Variants in PCDH7 observed in about 807,000 individuals in gnomAD.
The protein encoded by PCDH7 is protocadherin-7.
Under a neutral mutation model 58.9 loss-of-function variants are expected in PCDH7, and 17 were observed. The ratio of observed to expected loss-of-function variants is 0.29; its 90% CI spans 0.20 to 0.43. The LOEUF is 0.43. PCDH7 is among the 20% of genes least tolerant of loss of function. The pLI is 1.00. For synonymous variants in PCDH7, 664 were observed against 616.4 expected, an observed-to-expected ratio of 1.08 and a Z score of -1.14; for missense variants, 1,274 against 1,441.0, an observed-to-expected ratio of 0.88 and a Z score of 1.88.
At chr4:31,055,759 T>C (rs1757113033) in intron 3 of PCDH7, among the ~76,000 whole-genome samples, 1 of 151,912 alleles carries the variant, frequency 6.6e-6, no homozygotes, top group Non-Finnish European at 1.5e-5. Flanking sequence ...GTATTTTTAG[T>C]AGAGGCGGGG....
chr4:30,957,845 C>T (rs919486434), intron 3 of PCDH7, among the ~76,000 whole-genome samples: 5 of 152,048 alleles, frequency 3.3e-5, no homozygotes, highest in South Asian at 2.1e-4. Flanking sequence ...TTTCGGCTAA[C>T]GCATTAATTT....
chr4:30,818,909 CTT>C (rs1158076057), intron 1 of PCDH7, among the ~76,000 whole-genome samples: 1 of 152,134 alleles, frequency 6.6e-6, no homozygotes, highest in Non-Finnish European at 1.5e-5. Context: ...TTTCCCTACA[CTT>C]ATAGTTCTAA....
chr4:30,944,242 A>G (rs1367449407), intron 2 of PCDH7, among the ~76,000 whole-genome samples: 3 of 152,114 alleles, frequency 2.0e-5, no homozygotes, highest in Non-Finnish European at 2.9e-5. Context: ...CTCTAGTAAG[A>G]TAATCATTCA....
At chr4:30,993,667 T>G (rs111472802) in intron 3 of PCDH7, among the ~76,000 whole-genome samples, 1 of 152,102 alleles carries the variant, frequency 6.6e-6, no homozygotes, top group African/African-American at 2.4e-5. Context: ...AAAAAAAATG[T>G]AGAAGTTTTA....
At chr4:31,044,246 T>C (rs1756110084) in intron 3 of PCDH7, among the ~76,000 whole-genome samples, 1 of 152,054 alleles carries the variant, frequency 6.6e-6, no homozygotes, top group Non-Finnish European at 1.5e-5. Flanking sequence ...TTCTCAAGAT[T>C]AACAAAGTGG....
At position 30,906,622 on chromosome 4, in the gene PCDH7, A is replaced by G. The variant is rs867010844; in HGVS notation, c.71-13531A>G. Reference sequence around the variant, plus strand: ...TTGAAGAACTATAAATGTTGAAACAATGAGATATATTTGGTTCAATAGCAG... The same window carrying G: ...TTGAAGAACTATAAATGTTGAAACAGTGAGATATATTTGGTTCAATAGCAG... On this transcript the variant is annotated intron_variant, in intron 1 of 3. Coordinates refer to the PCDH7 transcript ENST00000509759. Among the ~76,000 whole-genome samples, 3 of 152,224 alleles carry G rather than the reference A, an allele frequency of 2.0e-5. No individual in the cohort carries two copies. The South Asian group carries it at 6.2e-4, about 32-fold the overall frequency.
intron 3 of PCDH7, among the ~76,000 whole-genome samples, chr4:31,108,585 C>T (rs1051656661): frequency 1.3e-5 from 2 of 151,990 alleles, no homozygotes; most frequent in Non-Finnish European, 2.9e-5. Flanking sequence ...TGCATAGGCA[C>T]CTATCTCACA....
At chr4:30,757,997 C>T (rs1428090863) in intron 1 of PCDH7, among the ~76,000 whole-genome samples, 5 of 152,000 alleles carry the variant, frequency 3.3e-5, no homozygotes, top group Non-Finnish European at 5.9e-5. Flanking sequence ...AGCTTACATT[C>T]TAGTAGAGAA....
chr4:31,125,819 A>G (rs766666116), intron 3 of PCDH7, among the ~76,000 whole-genome samples: 4 of 152,236 alleles, frequency 2.6e-5, no homozygotes, highest in Non-Finnish European at 4.4e-5. Context: ...GTAGGTTAGT[A>G]GTATTACATA....
intron 3 of PCDH7, among the ~76,000 whole-genome samples, chr4:31,058,106 A>G (rs923788628): frequency 6.6e-6 from 1 of 152,144 alleles, no homozygotes; most frequent in Non-Finnish European, 1.5e-5. Flanking sequence ...ATTTAGAAGC[A>G]GTAGAGAAAA....
chr4:30,788,341 A>G (rs1362343400), intron 1 of PCDH7, among the ~76,000 whole-genome samples: 1 of 152,004 alleles, frequency 6.6e-6, no homozygotes, highest in Non-Finnish European at 1.5e-5. Flanking sequence ...CTTCTCCGCT[A>G]TTTGTACTCG....
intron 3 of PCDH7, among the ~76,000 whole-genome samples, chr4:30,957,511 T>C (rs1670835639): frequency 6.6e-6 from 1 of 152,156 alleles, no homozygotes; most frequent in African/African-American, 2.4e-5. Flanking sequence ...TTGGTGAGGA[T>C]AAGCTTGGCC....
chr4:30,800,505 T>C (rs1292156385), intron 1 of PCDH7, among the ~76,000 whole-genome samples: 1 of 152,142 alleles, frequency 6.6e-6, no homozygotes, highest in Non-Finnish European at 1.5e-5. Context: ...AATTTGAATA[T>C]AGGAAATAAA....
At chr4:31,072,514 T>C (rs994115014) in intron 3 of PCDH7, among the ~76,000 whole-genome samples, 5 of 152,102 alleles carry the variant, frequency 3.3e-5, no homozygotes, top group Non-Finnish European at 5.9e-5. Flanking sequence ...GCTTTTGAAC[T>C]AGGTGCCAAT....
At chr4:30,766,559 A>T (rs974488819) in intron 1 of PCDH7, among the ~76,000 whole-genome samples, 5 of 152,052 alleles carry the variant, frequency 3.3e-5, no homozygotes, top group African/African-American at 1.2e-4. Flanking sequence ...CAGATTTTTA[A>T]ATCCATTCAA....
At position 31,014,921 on chromosome 4, in the gene PCDH7, C is replaced by T. The variant is rs200831279; in HGVS notation, c.*7+64706C>T. ...TTATGTGTTTGTTTCTTATATGTGT[C>T]TCAGTTCTAGAATATAAGCTAATGT... On this transcript the variant is annotated intron_variant, in intron 3 of 3. Transcript: ENST00000509759. Among the ~76,000 whole-genome samples the T allele has an allele frequency of 3.8e-3, 575 of 152,210 alleles. 1 individual carries two copies. The highest frequency in any genetic ancestry group is 6.6e-3 in the Non-Finnish European group (446 of 67,994).
chr4:30,769,364 G>C (rs535069644), intron 1 of PCDH7, among the ~76,000 whole-genome samples: 3 of 152,322 alleles, frequency 2.0e-5, no homozygotes, highest in African/African-American at 7.2e-5. Flanking sequence ...TTTCCTGCAA[G>C]TCAGCTATCT....
intron 3 of PCDH7, among the ~76,000 whole-genome samples, chr4:30,960,437 T>G (rs1748303645): frequency 6.6e-6 from 1 of 152,174 alleles, no homozygotes; most frequent in African/African-American, 2.4e-5. Flanking sequence ...GTTTTATCAC[T>G]TCCTACTGCT....
chr4:31,072,445 A>T (rs899093038), intron 3 of PCDH7, among the ~76,000 whole-genome samples: 1 of 151,922 alleles, frequency 6.6e-6, no homozygotes, highest in East Asian at 1.9e-4. Flanking sequence ...GAAAGAGATA[A>T]TTTTTTTTAA....
Sources: gnomAD v4.1 joint callset for allele counts (sites outside exome capture counted in the v4.1 genomes callset) on GRCh38, gnomAD v4.1.1 for gene constraint, MANE v1.5 for transcripts, NCBI Gene and HGNC (gene_info 2026-07-23, HGNC 2026-07-21) for gene names.